The following DOCK10 variants were observed in gnomAD, a reference collection of about 807,000 sequenced individuals.
DOCK10 encodes dedicator of cytokinesis 10.
DOCK10 carries 145 observed loss-of-function variants against 280.1 expected under a neutral mutation model. The ratio of observed to expected loss-of-function variants is 0.52; its 90% confidence interval spans 0.45 to 0.59. The LOEUF is 0.59. Ranked by LOEUF, DOCK10 falls within the 20% of genes least tolerant of loss-of-function variation. The probability of loss-of-function intolerance (pLI) is 0.00; values close to 1 mark genes in which losing one functional copy is unlikely to be tolerated. For synonymous variants in DOCK10, 915 were observed against 942.2 expected, an observed-to-expected ratio of 0.97 and a Z score of 0.53; for missense variants, 2,368 against 2,651.7, an observed-to-expected ratio of 0.89 and a Z score of 2.35.
intron 25 of DOCK10, among the ~76,000 whole-genome samples, chr2:224,834,936 T>C (rs535087474): frequency 6.6e-6 from 1 of 152,370 alleles, no homozygotes; most frequent in South Asian, 2.1e-4. Context: ...TATTACTGAA[T>C]TATAATATTT....
chr2:224,847,266 T>C (rs1350663697), intron 19 of DOCK10, among the ~76,000 whole-genome samples: 4 of 152,198 alleles, frequency 2.6e-5, no homozygotes, highest in Admixed American at 1.3e-4. Context: ...CCCAGTAGCC[T>C]TGTGAAGTAG....
intron 19 of DOCK10, among the ~76,000 whole-genome samples, chr2:224,846,633 A>T (rs1424479554): frequency 6.6e-6 from 1 of 151,422 alleles, no homozygotes; most frequent in Non-Finnish European, 1.5e-5. Flanking sequence ...AGTAGCTGGG[A>T]CTACAGGAGC....
intron 1 of DOCK10, among the ~76,000 whole-genome samples, chr2:225,007,035 G>A (rs1689295146): frequency 1.3e-5 from 2 of 152,200 alleles, no homozygotes; most frequent in African/African-American, 4.8e-5. Context: ...AGGAACGTGA[G>A]ATAGATTCTG....
chr2:224,911,443 G>A (rs1701006081), intron 3 of DOCK10, among the ~76,000 whole-genome samples: 1 of 152,196 alleles, frequency 6.6e-6, no homozygotes, highest in Non-Finnish European at 1.5e-5. Flanking sequence ...AGTCTCTTGT[G>A]TTGTATGGAT....
At chr2:224,889,836 A>G (rs975897291) in intron 4 of DOCK10, among the ~76,000 whole-genome samples, 1 of 152,206 alleles carries the variant, frequency 6.6e-6, no homozygotes, top group African/African-American at 2.4e-5. Flanking sequence ...AAAGCCTGTA[A>G]ATACAACCCT....
At chr2:224,789,936 A>G (rs1185074701) in intron 47 of DOCK10, among the ~76,000 whole-genome samples, 1 of 152,064 alleles carries the variant, frequency 6.6e-6, no homozygotes, top group South Asian at 2.1e-4. Flanking sequence ...GCCCGCCACC[A>G]CGCCCAGCTA....
At chr2:224,919,221 G>A (rs1701541933) in intron 2 of DOCK10, among the ~76,000 whole-genome samples, 1 of 147,502 alleles carries the variant, frequency 6.8e-6, no homozygotes, top group African/African-American at 2.4e-5. Flanking sequence ...GTGTGTATGT[G>A]TGGTGTGAAT....
chr2:224,948,787 T>G (rs1703569299), intron 1 of DOCK10, among the ~76,000 whole-genome samples: 1 of 152,214 alleles, frequency 6.6e-6, no homozygotes, highest in Non-Finnish European at 1.5e-5. Flanking sequence ...CCAACAATGG[T>G]GCCTTAAATT....
intron 52 of DOCK10, among the ~76,000 whole-genome samples, chr2:224,773,795 C>T (rs1481836603): frequency 6.6e-6 from 1 of 152,032 alleles, no homozygotes; most frequent in African/African-American, 2.4e-5. Context: ...CCATGCTCAG[C>T]TAATTTTTGT....
In DOCK10 at chr2:224,970,653, T is replaced by G. The variant is rs1422467631; in HGVS notation, c.124-38985A>C. ...CGTGGGACCCATGAGCCCCCACAGTTGCATTCTGTATCTCCACAGCATCTG... is the reference window on the plus strand; with the variant it reads ...CGTGGGACCCATGAGCCCCCACAGTGGCATTCTGTATCTCCACAGCATCTG... On this transcript the variant is annotated intron_variant, in intron 1 of 55. Coordinates refer to ENST00000258390, the MANE Select transcript of DOCK10 (RefSeq NM_014689.3). The surrounding 1 kb of genome is among the most constrained non-coding windows in gnomAD (Gnocchi z 4.6). 6.6e-6 allele frequency among the ~76,000 whole-genome samples: 1 copy of G among 152,216 alleles called. No individual in the cohort carries two copies. The highest frequency in any genetic ancestry group is 2.4e-5 in the African/African-American group (1 of 41,460).
At chr2:224,988,006 A>G (rs899260429) in intron 1 of DOCK10, among the ~76,000 whole-genome samples, 2 of 152,106 alleles carry the variant, frequency 1.3e-5, no homozygotes, top group African/African-American at 4.8e-5. Flanking sequence ...CACTTTCAGG[A>G]TATTGGTGGG....
Position 224,858,653 on chromosome 2 carries a change from A to G in DOCK10, c.1686-1671T>C, listed in dbSNP as rs80083766. Among the ~76,000 whole-genome samples, 937 of 152,270 alleles carry G rather than the reference A, an allele frequency of 6.2e-3. 9 individuals are homozygous for G. The highest frequency in any genetic ancestry group is 0.02 in the African/African-American group (823 of 41,556). On this transcript the variant is annotated intron_variant, in intron 14 of 55. Transcript: ENST00000258390. ...TGGTGACAGAGCGAGACTCCGTCTC[A>G]AAAAAATGTGTATATATATATATCT...
chr2:224,890,362 G>A (rs905512132), intron 4 of DOCK10, among the ~76,000 whole-genome samples: 4 of 152,196 alleles, frequency 2.6e-5, no homozygotes, highest in Non-Finnish European at 5.9e-5. Context: ...AAACAAAAAT[G>A]TGATGAAACA....
chr2:224,840,166 A>G (rs758137435), intron 23 of DOCK10, 94 bp from the exon 24 acceptor site: 25 of 620,222 alleles, frequency 4.0e-5, no homozygotes, highest in Non-Finnish European at 6.3e-5. Flanking sequence ...AGAAGAAAAC[A>G]TAAGGAGAAA....
At chr2:224,784,143 A>T (rs80251139) in intron 50 of DOCK10, among the ~76,000 whole-genome samples, 2,577 of 152,274 alleles carry the variant, frequency 0.017, 79 homozygotes, top group African/African-American at 0.058. Context: ...ACTTACCCAG[A>T]CATATTGGGT....
chr2:224,903,106 A>G (rs1700400293), intron 3 of DOCK10, among the ~76,000 whole-genome samples: 1 of 152,234 alleles, frequency 6.6e-6, no homozygotes, highest in Non-Finnish European at 1.5e-5. Context: ...TCAAAAAACC[A>G]AAACAAAACA....
Position 224,778,131 on chromosome 2 carries a change from C to T in DOCK10, c.5802+7G>A, listed in dbSNP as rs1231043843. ...TAGCACTTGCATGAATACTGATTTT[C>T]CTCTACCTTGTTGGAATCCTGGATT... On this transcript the variant is annotated splice_region_variant and intron_variant, in intron 51 of 55. Transcript: ENST00000258390. 1 of 1,612,240 alleles carries T rather than the reference C, an allele frequency of 6.2e-7. No homozygotes were observed. Among genetic ancestry groups the T allele is most frequent in the South Asian group, 1.1e-5 (1 of 90,814 alleles).
chr2:225,036,288 ATAAG>A (rs1260956545), intron 1 of DOCK10, among the ~76,000 whole-genome samples: 2 of 152,216 alleles, frequency 1.3e-5, no homozygotes. Flanking sequence ...TATAACACAA[ATAAG>A]TAAGAGATTT....
chr2:224,866,317 C>T (rs764960219), intron 11 of DOCK10, among the ~76,000 whole-genome samples: 1 of 152,126 alleles, frequency 6.6e-6, no homozygotes, highest in Admixed American at 6.5e-5. Context: ...TATGTGTCCT[C>T]GTGACAGGAT....
Sources: gnomAD v4.1 joint callset for allele counts (sites outside exome capture counted in the v4.1 genomes callset) on GRCh38, gnomAD v4.1.1 for gene constraint, Gnocchi (gnomAD v3.1) non-coding constraint, MANE v1.5 for transcripts, NCBI Gene and HGNC (gene_info 2026-07-23, HGNC 2026-07-21) for gene names.